DAB1: variants seen among roughly 807,000 people sequenced by gnomAD.
DAB1 encodes the protein disabled homolog 1.
A neutral mutation model predicts 64.6 loss-of-function variants in DAB1; 15 were observed. The observed-to-expected ratio is 0.23, with a 90% CI of 0.16 to 0.36. DAB1 has a LOEUF of 0.36. Among genes scored for constraint, DAB1 ranks in the 10% least tolerant of loss-of-function variants. The probability of loss-of-function intolerance (pLI) is 1.00; values close to 1 mark genes in which losing one functional copy is unlikely to be tolerated. For missense variants in DAB1, 596 were observed against 706.7 expected, an observed-to-expected ratio of 0.84 and a Z score of 1.78; for synonymous variants, 235 against 251.9, an observed-to-expected ratio of 0.93 and a Z score of 0.64.
chr1:57,973,706 T>C lies in DAB1; in HGVS notation n.388-89544A>G, dbSNP rs192529467. On this transcript the variant is annotated intron_variant and non_coding_transcript_variant, in intron 5 of 20. Transcript: ENST00000485760. Reference sequence around the variant, plus strand: ...GTCCTTTAACAAGTTCTTCTGGGTCTACCTTCAAAACATCCCCAATCTATT... The same window carrying C: ...GTCCTTTAACAAGTTCTTCTGGGTCCACCTTCAAAACATCCCCAATCTATT... 3.1e-4 allele frequency among the ~76,000 whole-genome samples: 47 copies of C among 152,284 alleles called. No individual in the cohort carries two copies. The East Asian group carries it at 7.5e-3, about 24-fold the overall frequency.
chr1:57,935,834 G>A (rs1645017060), intron 5 of DAB1, among the ~76,000 whole-genome samples: 1 of 152,224 alleles, frequency 6.6e-6, no homozygotes, highest in Non-Finnish European at 1.5e-5. Context: ...GTCTATGGCT[G>A]CAGAAAATGC....
intron 7 of DAB1, among the ~76,000 whole-genome samples, chr1:57,482,388 C>T (rs745717126): frequency 6.7e-6 from 1 of 149,594 alleles, no homozygotes; most frequent in Non-Finnish European, 1.5e-5. Flanking sequence ...ATAAATATGC[C>T]CAAGTCATTA....
chr1:57,960,512 A>G (rs935911716), intron 5 of DAB1, among the ~76,000 whole-genome samples: 2 of 152,124 alleles, frequency 1.3e-5, no homozygotes, highest in Non-Finnish European at 2.9e-5. Context: ...AAAAAAGGAA[A>G]TCTATGTGAG....
At chr1:58,073,390 CCTCTT>C in intron 5 of DAB1, among the ~76,000 whole-genome samples, 1 of 152,312 alleles carries the variant, frequency 6.6e-6, no homozygotes, top group South Asian at 2.1e-4. Flanking sequence ...GATGCCCTCT[CCTCTT>C]CTCTGGGCTC....
intron 4 of DAB1, among the ~76,000 whole-genome samples, chr1:58,224,160 T>C (rs1451382253): frequency 6.6e-6 from 1 of 152,186 alleles, no homozygotes; most frequent in African/African-American, 2.4e-5. Context: ...TCCTTGCTCT[T>C]CCAATTATAG....
At chr1:57,255,414 C>A (rs529354947) in intron 2 of DAB1, among the ~76,000 whole-genome samples, 2 of 152,250 alleles carry the variant, frequency 1.3e-5, no homozygotes, top group African/African-American at 4.8e-5. Flanking sequence ...GTAATGCCAA[C>A]AATTTGGGAG....
chr1:57,912,396 T>C lies in DAB1; in HGVS notation n.388-28234A>G, dbSNP rs577575015. ...GTGCTCAAAAATGTCTGTTGAGCCC[T>C]TCATGCTAAAAACTCTCAATAAATT... On this transcript the variant is annotated intron_variant and non_coding_transcript_variant, in intron 5 of 20. Coordinates refer to the DAB1 transcript ENST00000485760. 3.8e-4 allele frequency among the ~76,000 whole-genome samples: 58 copies of C among 152,302 alleles called. 1 individual carries two copies. Among genetic ancestry groups the C allele is most frequent in the African/African-American group, 1.4e-3 (58 of 41,566 alleles).
chr1:57,075,894 G>C (rs571022221), intron 4 of DAB1, among the ~76,000 whole-genome samples: 15 of 152,320 alleles, frequency 9.8e-5, no homozygotes, highest in African/African-American at 3.4e-4. Flanking sequence ...ATGATCCCTT[G>C]ATAAGCTGGG....
chr1:58,124,297 G>C lies in DAB1; in HGVS notation n.387+26214C>G, dbSNP rs142249602. On this transcript the variant is annotated intron_variant and non_coding_transcript_variant, in intron 5 of 20. Coordinates refer to the DAB1 transcript ENST00000485760. ...TGGTCAATTACAGATTTAAGCACCA[G>C]CACTCTAAATAGTTATTATTAGAAA... 6.6e-3 allele frequency among the ~76,000 whole-genome samples: 1,002 copies of C among 151,926 alleles called. 6 individuals are homozygous for C. The highest frequency in any genetic ancestry group is 0.023 in the African/African-American group (952 of 41,410).
At chr1:57,538,075 C>T (rs1238710858) in intron 7 of DAB1, among the ~76,000 whole-genome samples, 1 of 152,136 alleles carries the variant, frequency 6.6e-6, no homozygotes, top group East Asian at 1.9e-4. Flanking sequence ...TCCCGCTGGC[C>T]CCACCTGCAA....
chr1:58,313,818 CAT>C (rs367939713), intron 4 of DAB1, among the ~76,000 whole-genome samples: 2,286 of 85,876 alleles, frequency 0.027, 26 homozygotes, highest in Non-Finnish European at 0.039. Context: ...ATTGTATCTT[CAT>C]GTGTGTGTGT....
chr1:57,713,228 T>A (rs901906120), intron 6 of DAB1, among the ~76,000 whole-genome samples: 4 of 152,104 alleles, frequency 2.6e-5, no homozygotes, highest in African/African-American at 9.7e-5. Flanking sequence ...AACAAGAAGA[T>A]CTCAGCTCAA....
intron 7 of DAB1, among the ~76,000 whole-genome samples, chr1:57,567,228 C>T (rs1031923471): frequency 6.6e-5 from 10 of 152,074 alleles, no homozygotes; most frequent in African/African-American, 2.2e-4. Context: ...ATTCAACAGC[C>T]CTTCATGCTA....
intron 6 of DAB1, among the ~76,000 whole-genome samples, chr1:57,659,360 T>C (rs544952583): frequency 2.0e-5 from 3 of 152,316 alleles, no homozygotes; most frequent in African/African-American, 7.2e-5. Flanking sequence ...GAAATAAAAG[T>C]ACTTCTCAGG....
At chr1:57,019,516 C>A (rs1040077774) in intron 11 of DAB1, among the ~76,000 whole-genome samples, 2 of 152,174 alleles carry the variant, frequency 1.3e-5, no homozygotes, top group African/African-American at 4.8e-5. Context: ...TGTTTAGGAG[C>A]CTGCAGGTCC....
intron 1 of DAB1, among the ~76,000 whole-genome samples, chr1:57,855,802 G>A (rs1055540260): frequency 2.8e-4 from 43 of 152,070 alleles, no homozygotes; most frequent in African/African-American, 1.0e-3. Flanking sequence ...GTTGAGAAGG[G>A]GAGTGACATG....
intron 3 of DAB1, among the ~76,000 whole-genome samples, chr1:58,400,042 C>T (rs1347824547): frequency 1.3e-5 from 2 of 151,752 alleles, no homozygotes; most frequent in Non-Finnish European, 2.9e-5. Flanking sequence ...CATAAGAATA[C>T]AGTATATTTT....
chr1:57,532,879 C>G (rs754537284), intron 7 of DAB1, among the ~76,000 whole-genome samples: 1 of 152,176 alleles, frequency 6.6e-6, no homozygotes, highest in Admixed American at 6.5e-5. Context: ...ATGTACCATT[C>G]ATTGCTGTAA....
intron 5 of DAB1, chr1:58,060,013 TCATGTAG>T (rs1279491059): frequency 6.6e-6 from 1 of 152,202 alleles, no homozygotes; most frequent in Non-Finnish European, 1.5e-5. Flanking sequence ...GCAGGATTTT[TCATGTAG>T]TGCAGGGGAG....
Sources: allele counts gnomAD v4.1 joint callset (sites outside exome capture counted in the v4.1 genomes callset), GRCh38; gene constraint gnomAD v4.1.1; transcripts MANE v1.5; gene names NCBI Gene and HGNC (gene_info 2026-07-23, HGNC 2026-07-21).